CDK6: variants seen among roughly 807,000 people sequenced by gnomAD.
CDK6 encodes the protein cyclin dependent kinase 6.
Under a neutral mutation model 37.1 loss-of-function variants are expected in CDK6, and 6 were observed. The observed-to-expected ratio is 0.16, with a 90% CI of 0.09 to 0.32. The LOEUF (loss-of-function observed/expected upper bound fraction) is 0.32, where lower values mean the gene tolerates loss of function less well. CDK6 is among the 10% of genes least tolerant of loss of function. The probability of loss-of-function intolerance (pLI) is 1.00; values close to 1 mark genes in which losing one functional copy is unlikely to be tolerated. For missense variants in CDK6, 224 were observed against 418.9 expected (o/e 0.53, Z 4.06); for synonymous variants, 160 against 161.3 (o/e 0.99, Z 0.06).
intron 4 of CDK6, among the ~76,000 whole-genome samples, chr7:92,678,722 G>C (rs1261813244): frequency 6.6e-6 from 1 of 152,190 alleles, no homozygotes; most frequent in African/African-American, 2.4e-5. Flanking sequence ...TATGAACACT[G>C]TGCTGGATGT....
At chr7:92,680,547 T>C (rs953998168) in intron 4 of CDK6, among the ~76,000 whole-genome samples, 4 of 148,948 alleles carry the variant, frequency 2.7e-5, no homozygotes, top group Non-Finnish European at 5.9e-5. Flanking sequence ...TGTTTTGACA[T>C]ATGGCAAAAA....
At chr7:92,640,157 T>C (rs1331096442) in intron 5 of CDK6, among the ~76,000 whole-genome samples, 1 of 152,138 alleles carries the variant, frequency 6.6e-6, no homozygotes, top group Non-Finnish European at 1.5e-5. Flanking sequence ...CAGCTGCCCA[T>C]GGAACGTATA....
At chr7:92,738,443 T>C (rs1383668540) in intron 3 of CDK6, among the ~76,000 whole-genome samples, 2 of 152,062 alleles carry the variant, frequency 1.3e-5, no homozygotes, top group Admixed American at 6.6e-5. Flanking sequence ...AGTTTGAGAC[T>C]AGCCTGACCA....
intron 3 of CDK6, among the ~76,000 whole-genome samples, chr7:92,759,740 AC>A (rs1186492576): frequency 2.0e-5 from 3 of 151,832 alleles, no homozygotes; most frequent in African/African-American, 7.3e-5. Context: ...TTAAAAAAAA[AC>A]CATACACACA....
intron 4 of CDK6, among the ~76,000 whole-genome samples, chr7:92,699,499 A>T (rs1399920652): frequency 6.6e-6 from 1 of 152,252 alleles, no homozygotes; most frequent in Non-Finnish European, 1.5e-5. Flanking sequence ...AGGCAGTAAC[A>T]TCATTTTTAC....
At chr7:92,657,454 A>T (rs1288587677) in intron 5 of CDK6, among the ~76,000 whole-genome samples, 1 of 152,218 alleles carries the variant, frequency 6.6e-6, no homozygotes, top group Non-Finnish European at 1.5e-5. Flanking sequence ...AATATACATT[A>T]TTCTTCAAGC....
chr7:92,733,447 T>C (rs1798701565), intron 3 of CDK6, among the ~76,000 whole-genome samples: 2 of 152,190 alleles, frequency 1.3e-5, no homozygotes, highest in Admixed American at 6.5e-5. Context: ...ATCTACATAA[T>C]ACTCATGCAG....
chr7:92,714,100 A>T (rs903162688), intron 4 of CDK6, among the ~76,000 whole-genome samples: 11 of 152,236 alleles, frequency 7.2e-5, no homozygotes, highest in Admixed American at 3.3e-4. Context: ...AATAGAAGAC[A>T]GAAGTCAAAC....
At chr7:92,684,365 A>G (rs1234857827) in intron 4 of CDK6, among the ~76,000 whole-genome samples, 1 of 152,214 alleles carries the variant, frequency 6.6e-6, no homozygotes, top group African/African-American at 2.4e-5. Flanking sequence ...GCTGACAAAA[A>G]CAAAAGAAGT....
intron 3 of CDK6, among the ~76,000 whole-genome samples, chr7:92,739,583 G>A (rs1455610414): frequency 6.6e-6 from 1 of 152,136 alleles, no homozygotes; most frequent in Admixed American, 6.5e-5. Context: ...CGAAATCATG[G>A]TAATTATAGT....
chr7:92,657,246 A>G (rs181793788), intron 5 of CDK6, among the ~76,000 whole-genome samples: 3 of 152,316 alleles, frequency 2.0e-5, no homozygotes, highest in Admixed American at 1.3e-4. Context: ...GGTAGACCTG[A>G]GACTTTATGA....
chr7:92,712,834 CTATGTATG>C (rs4015287), intron 4 of CDK6, among the ~76,000 whole-genome samples: 2,492 of 146,404 alleles, frequency 0.017, 34 homozygotes, highest in Non-Finnish European at 0.022. Flanking sequence ...GACATTAATC[CTATGTATG>C]TATGTATGTA....
intron 5 of CDK6, among the ~76,000 whole-genome samples, chr7:92,639,109 T>C (rs1305011220): frequency 6.6e-6 from 1 of 152,176 alleles, no homozygotes; most frequent in Non-Finnish European, 1.5e-5. Context: ...ACAGATTTAC[T>C]GAAAATATTT....
intron 4 of CDK6, among the ~76,000 whole-genome samples, chr7:92,723,956 T>G (rs972871210): frequency 6.6e-6 from 1 of 151,848 alleles, no homozygotes; most frequent in African/African-American, 2.4e-5. Context: ...GGGTTTCCTG[T>G]TTTTATTTAT....
chr7:92,662,240 T>C (rs79210546), intron 5 of CDK6, among the ~76,000 whole-genome samples: 94 of 152,134 alleles, frequency 6.2e-4, no homozygotes, highest in African/African-American at 2.2e-3. Flanking sequence ...ATTTTTGAAC[T>C]GAAAGAGAAA....
At chr7:92,796,275 C>T (rs1459053619) in intron 2 of CDK6, among the ~76,000 whole-genome samples, 1 of 151,590 alleles carries the variant, frequency 6.6e-6, no homozygotes, top group Non-Finnish European at 1.5e-5. Flanking sequence ...GTTTGCATTT[C>T]TTTGTTTCAA....
intron 2 of CDK6, among the ~76,000 whole-genome samples, chr7:92,798,875 C>G (rs1234420084): frequency 6.6e-6 from 1 of 152,170 alleles, no homozygotes; most frequent in Non-Finnish European, 1.5e-5. Flanking sequence ...CTATTGTCTT[C>G]TTCTATATGG....
chr7:92,766,102 C>T (rs1191324400), intron 3 of CDK6, among the ~76,000 whole-genome samples: 1 of 152,048 alleles, frequency 6.6e-6, no homozygotes, highest in Non-Finnish European at 1.5e-5. Context: ...TTTTATTCTA[C>T]AGGTCATGAG....
chr7:92,685,277 A>G (rs1797423145), intron 4 of CDK6, among the ~76,000 whole-genome samples: 1 of 152,202 alleles, frequency 6.6e-6, no homozygotes, highest in Admixed American at 6.5e-5. Context: ...TTCTAGGTAT[A>G]TCCGCTGTCA....
Sources: allele counts gnomAD v4.1 joint callset (sites outside exome capture counted in the v4.1 genomes callset), GRCh38; gene constraint gnomAD v4.1.1; transcripts MANE v1.5; gene names NCBI Gene and HGNC (gene_info 2026-07-23, HGNC 2026-07-21).